The following RTN1 variants were observed in gnomAD, a reference collection of about 807,000 sequenced individuals.
The protein encoded by RTN1 is reticulon 1.
In RTN1, 25 loss-of-function variants were observed where a neutral mutation model predicts 65.5. The observed-to-expected ratio is 0.38, with a 90% CI of 0.28 to 0.53. The LOEUF (loss-of-function observed/expected upper bound fraction) is 0.53, where lower values mean the gene tolerates loss of function less well. RTN1 is among the 20% of genes least tolerant of loss of function. The pLI is 0.79. For missense variants in RTN1, 983 were observed against 1,025.4 expected, an observed-to-expected ratio of 0.96 and a Z score of 0.57; for synonymous variants, 471 against 447.6, an observed-to-expected ratio of 1.05 and a Z score of -0.66.
chr14:59,843,695 G>A (rs1887355596), intron 1 of RTN1, among the ~76,000 whole-genome samples: 1 of 152,098 alleles, frequency 6.6e-6, no homozygotes, highest in Admixed American at 6.6e-5. Flanking sequence ...AGAAATTTGA[G>A]CACAATTTAT....
At chr14:59,654,207 C>T (rs1883074145) in intron 3 of RTN1, among the ~76,000 whole-genome samples, 1 of 152,128 alleles carries the variant, frequency 6.6e-6, no homozygotes, top group Non-Finnish European at 1.5e-5. Context: ...GGGTGGATCA[C>T]CTGAGGTCGG....
At chr14:59,734,754 C>T (rs1335172279) in intron 2 of RTN1, among the ~76,000 whole-genome samples, 1 of 152,114 alleles carries the variant, frequency 6.6e-6, no homozygotes, top group Non-Finnish European at 1.5e-5. Flanking sequence ...ACTGAATCTA[C>T]AGCTAATTAG....
intron 1 of RTN1, among the ~76,000 whole-genome samples, chr14:59,780,895 G>A (rs1886142682): frequency 6.6e-6 from 1 of 152,178 alleles, no homozygotes. Flanking sequence ...GGAGACGCCT[G>A]TCTGGGAAAG....
In RTN1 at chr14:59,746,031, A is replaced by G; in HGVS notation, c.692T>C (p.Ile231Thr). 6.2e-7 allele frequency: 1 copy of G among 1,614,104 alleles called. No individual in the cohort carries two copies. The highest frequency in any genetic ancestry group is 1.1e-5 in the South Asian group (1 of 91,074). The change falls in exon 2 of 9, where the codon ATT becomes ACT. Residue 231 changes from isoleucine (I) to threonine (T), a missense_variant. Physicochemically the swap from Ile to Thr is moderately conservative, Grantham distance 89. Coordinates refer to ENST00000267484, the MANE Select transcript of RTN1 (RefSeq NM_021136.3). ...DFKNKDTDIS[I>T]KPEGVREPDK... Reference sequence around the variant, plus strand: ...AGGTTCACGGACTCCTTCAGGTTTAATTGAGATGTCAGTGTCTTTATTCTT... The same window carrying G: ...AGGTTCACGGACTCCTTCAGGTTTAGTTGAGATGTCAGTGTCTTTATTCTT...
chr14:59,726,791 C>A, intron 3 of RTN1, 128 bp downstream of exon 3: 2 of 793,346 alleles, frequency 2.5e-6, no homozygotes, highest in Non-Finnish European at 2.0e-6. Context: ...CCCCTGGAAC[C>A]GTTCTCTGGT....
chr14:59,686,429 G>A (rs1170126955), intron 3 of RTN1, among the ~76,000 whole-genome samples: 3 of 152,206 alleles, frequency 2.0e-5, no homozygotes, highest in Admixed American at 6.5e-5. Context: ...CCTCTGATAA[G>A]GAGTTACTAT....
rs11559110 is a variant in RTN1 at position 59,607,305 on chromosome 14, G to A, written c.1953C>T (p.Thr651=). 8.0e-5 allele frequency: 129 copies of A among 1,613,894 alleles called. No homozygotes were observed. Among genetic ancestry groups the A allele is most frequent in the East Asian group, 2.2e-5 (1 of 44,866 alleles). The change falls in exon 4 of 9, where the codon ACC becomes ACT. Residue 651 remains threonine, a synonymous_variant. Coordinates refer to ENST00000267484, the MANE Select transcript of RTN1 (RefSeq NM_021136.3). ...CTCACTTGAAAGGGTGGCCTTCGTC[G>A]GTTTTCTGCACTGCTTGTAAAACAG... ...YKSVLQAVQK[T]DEGHPFKAYL...
Position 59,819,588 on chromosome 14 carries a change from G to A in RTN1, c.241+50802C>T, listed in dbSNP as rs115713751. Among the ~76,000 whole-genome samples, 349 of 152,086 alleles carry A rather than the reference G, an allele frequency of 2.3e-3. 1 individual carries two copies. The highest frequency in any genetic ancestry group is 8.1e-3 in the African/African-American group (334 of 41,480). ...GGGTGGAGCTGCCCACCAGTTCTGC[G>A]CTGCGCGACCACTGTTGTCAGCCCT... is the stretch of plus-strand genomic sequence containing the variant. On this transcript the variant is annotated intron_variant, in intron 1 of 8. Transcript: ENST00000267484.
chr14:59,773,682 G>C (rs753285701), intron 1 of RTN1, among the ~76,000 whole-genome samples: 11 of 152,076 alleles, frequency 7.2e-5, no homozygotes, highest in Non-Finnish European at 1.3e-4. Flanking sequence ...GAGATTTAAT[G>C]GGGGAAAGAG....
At chr14:59,715,128 T>C (rs1884506837) in intron 3 of RTN1, among the ~76,000 whole-genome samples, 2 of 152,156 alleles carry the variant, frequency 1.3e-5, no homozygotes, top group Non-Finnish European at 2.9e-5. Flanking sequence ...ACTACTGATA[T>C]AAACTACAGG....
At chr14:59,683,147 C>T (rs577066508) in intron 3 of RTN1, among the ~76,000 whole-genome samples, 4 of 152,206 alleles carry the variant, frequency 2.6e-5, no homozygotes, top group South Asian at 4.1e-4. Context: ...TATTGGAAAT[C>T]ACTAGTTGGC....
chr14:59,690,410 T>C (rs982487832), intron 3 of RTN1, among the ~76,000 whole-genome samples: 1 of 152,072 alleles, frequency 6.6e-6, no homozygotes, highest in African/African-American at 2.4e-5. Context: ...CTATCCTAAA[T>C]ATATATGCAC....
At chr14:59,630,919 GT>G in intron 3 of RTN1, 4 of 850,928 alleles carry the variant, frequency 4.7e-6, no homozygotes, top group South Asian at 5.4e-5. Context: ...GTTCCTGGGA[GT>G]TCTTGACTCC....
At chr14:59,624,344 T>C (rs1366434885) in intron 3 of RTN1, among the ~76,000 whole-genome samples, 2 of 152,208 alleles carry the variant, frequency 1.3e-5, no homozygotes, top group Non-Finnish European at 2.9e-5. Context: ...GTTAGCATTA[T>C]TAACTGTCAC....
intron 4 of RTN1, among the ~76,000 whole-genome samples, chr14:59,606,461 C>A (rs1404797293): frequency 6.6e-6 from 1 of 151,964 alleles, no homozygotes; most frequent in Non-Finnish European, 1.5e-5. Context: ...GGGATTAGTG[C>A]CCTTAGAAAA....
Position 59,825,496 on chromosome 14 carries a change from A to G in RTN1, c.241+44894T>C, listed in dbSNP as rs1887015289. ...GTGTTTTCTGTTTTGTCAAAGTTTT[A>G]TCAGCCTGAGGGGAAGCTGCCTGTG... is the stretch of plus-strand genomic sequence containing the variant. On this transcript the variant is annotated intron_variant, in intron 1 of 8. Coordinates refer to ENST00000267484, the MANE Select transcript of RTN1 (RefSeq NM_021136.3). The surrounding 1 kb of genome is among the most constrained non-coding windows in gnomAD (Gnocchi z 4.2). 6.6e-6 allele frequency among the ~76,000 whole-genome samples: 1 copy of G among 152,250 alleles called. No individual in the cohort carries two copies. The highest frequency in any genetic ancestry group is 6.5e-5 in the Admixed American group (1 of 15,284).
intron 3 of RTN1, among the ~76,000 whole-genome samples, chr14:59,645,010 A>G (rs941238668): frequency 4.6e-5 from 7 of 151,782 alleles, no homozygotes; most frequent in African/African-American, 9.7e-5. Context: ...TCTTCTTGCC[A>G]TAGGGCTCTA....
At position 59,750,391 on chromosome 14, in the gene RTN1, T is replaced by C. The variant is rs1225298756; in HGVS notation, c.242-3910A>G. On this transcript the variant is annotated intron_variant, in intron 1 of 8. Transcript: ENST00000267484. ...TTATATCTATATATTATATATTATA[T>C]CTATAATATATATATTATATGTATA... is the stretch of plus-strand genomic sequence containing the variant. Among the ~76,000 whole-genome samples, 2 of 58,154 alleles carry C rather than the reference T, an allele frequency of 3.4e-5. 1 individual carries two copies. The highest frequency in any genetic ancestry group is 7.7e-4 in the Admixed American group (2 of 2,592). 38.2% of individuals were successfully genotyped at this position (58,154 alleles called of 152,430 possible).
At chr14:59,678,822 T>C (rs1883683501) in intron 3 of RTN1, among the ~76,000 whole-genome samples, 1 of 152,214 alleles carries the variant, frequency 6.6e-6, no homozygotes, top group African/African-American at 2.4e-5. Context: ...CTGGGGGAGT[T>C]GGTTAAAAAT....
Sources: gnomAD v4.1 joint callset for allele counts (sites outside exome capture counted in the v4.1 genomes callset) on GRCh38, gnomAD v4.1.1 for gene constraint, Gnocchi (gnomAD v3.1) non-coding constraint, MANE v1.5 for transcripts, NCBI Gene and HGNC (gene_info 2026-07-23, HGNC 2026-07-21) for gene names.